CPAMD8: variants seen among roughly 807,000 people sequenced by gnomAD.
The protein encoded by CPAMD8 is C3 and PZP like alpha-2-macroglobulin domain containing 8, also known as C3 and PZP-like alpha-2-macroglobulin domain-containing protein 8.
A neutral mutation model predicts 224.7 loss-of-function variants in CPAMD8; 146 were observed. The observed-to-expected ratio is 0.65, with a 90% CI of 0.57 to 0.75. The LOEUF (loss-of-function observed/expected upper bound fraction) is 0.75, where lower values mean the gene tolerates loss of function less well. Among genes scored for constraint, CPAMD8 ranks in the 30% least tolerant of loss-of-function variants. The probability of loss-of-function intolerance (pLI) is 0.00; values close to 1 mark genes in which losing one functional copy is unlikely to be tolerated. For synonymous variants in CPAMD8, 966 were observed against 1,044.6 expected (o/e 0.92, Z 1.45); for missense variants, 2,301 against 2,537.5 (o/e 0.91, Z 2.00).
At chr19:16,994,882 G>A (rs2056076770) in intron 11 of CPAMD8, among the ~76,000 whole-genome samples, 1 of 151,958 alleles carries the variant, frequency 6.6e-6, no homozygotes, top group African/African-American at 2.4e-5. Flanking sequence ...GCCTCAAGTG[G>A]TCCTCTTGCC....
At chr19:16,897,078 C>T (rs1450173229) in intron 39 of CPAMD8, 1 of 116,356 alleles carries the variant, frequency 8.6e-6, no homozygotes, top group Non-Finnish European at 1.8e-5. Flanking sequence ...CCCCCTCCGT[C>T]CTGACCACTC....
intron 13 of CPAMD8, among the ~76,000 whole-genome samples, chr19:16,984,330 A>AG (rs1440585686): frequency 6.1e-4 from 81 of 132,578 alleles, no homozygotes; most frequent in East Asian, 4.9e-3. Flanking sequence ...AAAAAAAAAA[A>AG]AGAGAGAGAG....
chr19:16,968,398 T>A (rs2054932370), intron 18 of CPAMD8, among the ~76,000 whole-genome samples: 1 of 152,122 alleles, frequency 6.6e-6, no homozygotes, highest in African/African-American at 2.4e-5. Flanking sequence ...TCCTGTTTTA[T>A]ATAGAGAGGG....
At chr19:16,994,873 C>T (rs1599867850) in intron 11 of CPAMD8, among the ~76,000 whole-genome samples, 1 of 152,022 alleles carries the variant, frequency 6.6e-6, no homozygotes, top group Admixed American at 6.6e-5. Flanking sequence ...ACACTTTTGG[C>T]CTCAAGTGGT....
intron 7 of CPAMD8, 36 bp from the exon 8 acceptor site, chr19:17,004,422 A>C (rs1409133960): frequency 7.3e-7 from 1 of 1,370,184 alleles, no homozygotes. Context: ...TTTTTCAGAG[A>C]GCCACAGACA....
chr19:17,001,019 G>T (rs1274423955), intron 9 of CPAMD8, among the ~76,000 whole-genome samples: 1 of 152,144 alleles, frequency 6.6e-6, no homozygotes, highest in Non-Finnish European at 1.5e-5. Context: ...ATGGGGAACA[G>T]GAGCAAAATG....
chr19:17,010,112 C>T (rs1271359237), intron 5 of CPAMD8, among the ~76,000 whole-genome samples: 1 of 152,086 alleles, frequency 6.6e-6, no homozygotes, highest in Non-Finnish European at 1.5e-5. Flanking sequence ...AAATGACCCA[C>T]GATCAGATCC....
At chr19:16,955,417 G>A (rs2054438493) in intron 19 of CPAMD8, among the ~76,000 whole-genome samples, 1 of 152,078 alleles carries the variant, frequency 6.6e-6, no homozygotes. Context: ...CCACTTACAG[G>A]CGGTCCCTAG....
At chr19:16,905,569 G>GAAAA (rs397955787) in intron 30 of CPAMD8, among the ~76,000 whole-genome samples, 16 of 92,732 alleles carry the variant, frequency 1.7e-4, no homozygotes, top group Admixed American at 6.2e-4. Context: ...AGGAAGAAAA[G>GAAAA]AAAAAAAAAA....
At chr19:17,018,233 C>A (rs1028947773) in intron 3 of CPAMD8, among the ~76,000 whole-genome samples, 3 of 152,172 alleles carry the variant, frequency 2.0e-5, no homozygotes, top group Non-Finnish European at 4.4e-5. Context: ...GAATAGCTAA[C>A]CCCCCAAATG....
In CPAMD8 at chr19:16,931,146, G is replaced by C. The variant is rs116033743; in HGVS notation, c.2846-1906C>G. ...GCAACTGCACCCTCCCCAGTAGCAAGGCTGAACCCGAGCATTCCACCAGAG... is the reference window on the plus strand; with the variant it reads ...GCAACTGCACCCTCCCCAGTAGCAACGCTGAACCCGAGCATTCCACCAGAG... On this transcript the variant is annotated intron_variant, in intron 23 of 41. Transcript: ENST00000443236. Among the ~76,000 whole-genome samples the C allele has an allele frequency of 3.4e-3, 516 of 152,306 alleles. 2 individuals are homozygous for C. Among genetic ancestry groups the C allele is most frequent in the African/African-American group, 0.012 (490 of 41,572 alleles).
chr19:16,990,062 G>A (rs575447172), intron 12 of CPAMD8, among the ~76,000 whole-genome samples: 82 of 152,182 alleles, frequency 5.4e-4, no homozygotes, highest in Admixed American at 1.2e-3. Flanking sequence ...GACCAGCCTG[G>A]CCAACATGGA....
Position 16,914,840 on chromosome 19 carries a change from G to A in CPAMD8, c.3630-27C>T, listed in dbSNP as rs1303044314. ...TGAAAGAGGACAGGGTGTCAGCTGA[G>A]GGGTTGCAGAATGGTCAGCCCCCAC... On this transcript the variant is annotated intron_variant, in intron 27 of 41. Coordinates refer to ENST00000443236, the MANE Select transcript of CPAMD8 (RefSeq NM_015692.5). 7 of 1,559,280 alleles carry A rather than the reference G, an allele frequency of 4.5e-6. No homozygotes were observed. In the South Asian group the frequency reaches 7.2e-5, roughly 16 times the overall value.
rs540630780 is a variant in CPAMD8, at chr19:16,954,074, C to T, written c.2277-1874G>A. Reference sequence around the variant, plus strand: ...TCAGGAGTCTGGCCATTGTGAATAACGCTGTGAACATGGGTATACAAATAT... The same window carrying T: ...TCAGGAGTCTGGCCATTGTGAATAATGCTGTGAACATGGGTATACAAATAT... On this transcript the variant is annotated intron_variant, in intron 19 of 41. Coordinates refer to ENST00000443236, the MANE Select transcript of CPAMD8 (RefSeq NM_015692.5). Among the ~76,000 whole-genome samples, 10 of 152,202 alleles carry T rather than the reference C, an allele frequency of 6.6e-5. No individual in the cohort carries two copies. The East Asian group carries it at 1.2e-3, about 18-fold the overall frequency.
chr19:16,940,232 G>C (rs556878126), intron 22 of CPAMD8, among the ~76,000 whole-genome samples: 2 of 152,298 alleles, frequency 1.3e-5, no homozygotes, highest in South Asian at 2.1e-4. Flanking sequence ...CTATCTTGCA[G>C]AGGGCAGCTT....
intron 18 of CPAMD8, among the ~76,000 whole-genome samples, chr19:16,969,618 G>A (rs763610578): frequency 1.3e-5 from 2 of 152,174 alleles, no homozygotes; most frequent in Non-Finnish European, 2.9e-5. Flanking sequence ...AGAGGCTCAC[G>A]CCTGTAATCC....
chr19:16,925,352 G>C lies in CPAMD8; in HGVS notation c.3391C>G (p.Leu1131Val). Residue 1131 changes from leucine to valine, a missense_variant, in exon 26 of 42, where the codon CTG (leucine) becomes GTG (valine). Physicochemically the swap from Leu to Val is conservative, Grantham distance 32 (BLOSUM62 1). Around this residue, in one of 4 missense-constraint regions of CPAMD8, gnomAD observed 1,709 missense variants for 1,753.2 expected, o/e 0.97. Coordinates refer to ENST00000443236, the MANE Select transcript of CPAMD8 (RefSeq NM_015692.5). ...SIIGDVMGPT[L>V]NHLNNLLRLP... is the part of the protein sequence containing the mutation. ...CGCAGGAGGTTGTTGAGGTGGTTCA[G>C]GGTTGGCCCCATGACGTCCCCTGGT... 6.2e-7 allele frequency: 1 copy of C among 1,614,194 alleles called. No individual in the cohort carries two copies. Among genetic ancestry groups the C allele is most frequent in the Non-Finnish European group, 8.5e-7 (1 of 1,180,024 alleles).
At chr19:16,929,316 T>A in intron 23 of CPAMD8, 76 bp from the exon 24 acceptor site, 1 of 1,247,702 alleles carries the variant, frequency 8.0e-7, no homozygotes, top group South Asian at 1.4e-5. Flanking sequence ...TACCTGGAGG[T>A]GAGCACCAGG....
intron 12 of CPAMD8, among the ~76,000 whole-genome samples, chr19:16,991,635 G>T (rs1243707316): frequency 6.6e-6 from 1 of 151,796 alleles, no homozygotes. Flanking sequence ...CAGGTGGATT[G>T]CCTGAGGTCA....
Sources: gnomAD v4.1 joint callset for allele counts (sites outside exome capture counted in the v4.1 genomes callset) on GRCh38, gnomAD v4.1.1 for gene constraint, gnomAD v4.1.1 regional missense constraint, MANE v1.5 for transcripts, NCBI Gene and HGNC (gene_info 2026-07-23, HGNC 2026-07-21) for gene names.